The following TNKS variants were observed in gnomAD, a reference collection of about 807,000 sequenced individuals.
TNKS encodes tankyrase.
TNKS carries 72 observed loss-of-function variants against 135.8 expected under a neutral mutation model. That is an observed-to-expected ratio of 0.53 (90% CI 0.44 to 0.64). The LOEUF is 0.64. Among genes scored for constraint, TNKS ranks in the 30% least tolerant of loss-of-function variants. TNKS has a pLI of 0.00. For missense variants in TNKS, 1,769 were observed against 1,674.0 expected (o/e 1.06, Z -0.99); for synonymous variants, 849 against 649.3 (o/e 1.31, Z -4.68).
chr8:9,584,201 A>T (rs944504046), intron 2 of TNKS, among the ~76,000 whole-genome samples: 2 of 151,618 alleles, frequency 1.3e-5, no homozygotes, highest in African/African-American at 4.8e-5. Flanking sequence ...TGGGAGTCAC[A>T]ATGGATATTT....
intron 3 of TNKS, among the ~76,000 whole-genome samples, chr8:9,669,205 T>G (rs905058955): frequency 6.7e-6 from 1 of 149,474 alleles, no homozygotes; most frequent in Non-Finnish European, 1.5e-5. Flanking sequence ...GATCATGAGG[T>G]CAGGAGATCG....
intron 2 of TNKS, among the ~76,000 whole-genome samples, chr8:9,595,204 T>G (rs1798733396): frequency 6.6e-6 from 1 of 151,632 alleles, no homozygotes; most frequent in South Asian, 2.1e-4. Flanking sequence ...CACTGCAACC[T>G]CTGCCTCCCA....
intron 20 of TNKS, among the ~76,000 whole-genome samples, chr8:9,754,791 G>T (rs969931687): frequency 6.6e-6 from 1 of 152,040 alleles, no homozygotes; most frequent in Non-Finnish European, 1.5e-5. Flanking sequence ...GTGCCTTTGC[G>T]TCTAATGGTT....
In TNKS at chr8:9,735,383, A is replaced by G. The variant is rs745636754; in HGVS notation, c.2540A>G (p.Tyr847Cys). The change falls in exon 17 of 27, where the codon TAT (tyrosine) becomes TGT (cysteine). Residue 847 changes from tyrosine to cysteine, a missense_variant. Physicochemically the swap from Tyr to Cys is radical, Grantham distance 194. Around this residue, in one of 5 missense-constraint regions of TNKS, gnomAD observed 722 missense variants for 688.9 expected, o/e 1.05. Transcript: ENST00000310430. ...NSTPLHLAAG[Y>C]NNLEVAEYLL... ...TTTTTTTTACTCTAAATAGCAGGCT[A>G]TAATAACCTGGAAGTAGCTGAATAT... The G allele has an allele frequency of 1.2e-6, 2 of 1,613,746 alleles. No individual in the cohort carries two copies. The highest frequency in any genetic ancestry group is 8.5e-7 in the Non-Finnish European group (1 of 1,179,740).
At chr8:9,692,689 T>C (rs1277754978) in intron 5 of TNKS, among the ~76,000 whole-genome samples, 1 of 152,228 alleles carries the variant, frequency 6.6e-6, no homozygotes, top group Non-Finnish European at 1.5e-5. Context: ...AGTCATACTT[T>C]TTGATAAAGA....
Position 9,776,984 on chromosome 8 carries a change from G to C in TNKS, c.*248G>C, listed in dbSNP as rs992568629. ...AACATATCTCAGGCTCATTTTCATT[G>C]CAATTATCCATTTCTAAAACAAGAT... On this transcript the variant is annotated 3_prime_UTR_variant, in exon 27 of 27. Coordinates refer to ENST00000310430, the MANE Select transcript of TNKS (RefSeq NM_003747.3). 2 of 455,688 alleles carry C rather than the reference G, an allele frequency of 4.4e-6. No individual in the cohort carries two copies. The highest frequency in any genetic ancestry group is 7.8e-6 in the Non-Finnish European group (2 of 255,122). 28.2% of individuals were successfully genotyped at this position (455,688 alleles called of 1,614,324 possible). A position where few individuals can be genotyped will look rare whatever the true frequency, so the allele number is the denominator to read the frequency against.
Position 9,761,560 on chromosome 8 carries a change from A to G in TNKS, c.3198A>G (p.Lys1066=), listed in dbSNP as rs1369439613. The G allele has an allele frequency of 1.9e-6, 3 of 1,611,820 alleles. No homozygotes were observed. Among genetic ancestry groups the G allele is most frequent in the Non-Finnish European group, 2.5e-6 (3 of 1,179,564 alleles). ...CTGATATGGGTCATGAAGAGTTGAA[A>G]GAAATAGGCATCAATGCATATGGGC... ...VLADMGHEEL[K]EIGINAYGHR... The change falls in exon 21 of 27, where the codon AAA becomes AAG. Residue 1066 remains lysine, a synonymous_variant. Coordinates refer to ENST00000310430, the MANE Select transcript of TNKS (RefSeq NM_003747.3).
chr8:9,726,608 A>C, intron 12 of TNKS, 33 bp from the exon 13 acceptor site: 2 of 1,482,728 alleles, frequency 1.3e-6, no homozygotes, highest in Non-Finnish European at 1.9e-6. Context: ...GAGTTTGGAT[A>C]TATATATGAG....
intron 13 of TNKS, among the ~76,000 whole-genome samples, chr8:9,727,330 A>G (rs538613306): frequency 6.6e-6 from 1 of 152,214 alleles, no homozygotes; most frequent in Non-Finnish European, 1.5e-5. Context: ...ATATTCTAAT[A>G]CTAAGTATGC....
intron 3 of TNKS, among the ~76,000 whole-genome samples, chr8:9,653,175 C>T (rs1412271290): frequency 6.6e-6 from 1 of 152,150 alleles, no homozygotes; most frequent in East Asian, 1.9e-4. Flanking sequence ...AGGAAGGACA[C>T]AAAGCACATT....
chr8:9,752,726 G>A (rs1042540458), intron 20 of TNKS, 100 bp downstream of exon 20: 3 of 755,770 alleles, frequency 4.0e-6, no homozygotes, highest in Middle Eastern at 3.1e-4. Flanking sequence ...GGAATGCTTC[G>A]GCAGGATTGC....
At chr8:9,595,572 A>G (rs1798751910) in intron 2 of TNKS, among the ~76,000 whole-genome samples, 1 of 152,076 alleles carries the variant, frequency 6.6e-6, no homozygotes, top group South Asian at 2.1e-4. Context: ...TATGTTATGT[A>G]CTTATTAATT....
At chr8:9,587,592 C>T (rs958924142) in intron 2 of TNKS, among the ~76,000 whole-genome samples, 1 of 151,952 alleles carries the variant, frequency 6.6e-6, no homozygotes, top group East Asian at 1.9e-4. Context: ...TTAGTAGAAA[C>T]GGGGTTTCAC....
chr8:9,567,455 G>A (rs34393110), intron 1 of TNKS, among the ~76,000 whole-genome samples: 16,596 of 151,990 alleles, frequency 0.11, 1,227 homozygotes, highest in East Asian at 0.23. Flanking sequence ...TCGCTCTGTC[G>A]CCCAGGCTGG....
intron 5 of TNKS, among the ~76,000 whole-genome samples, chr8:9,698,335 G>C (rs529326823): frequency 6.3e-4 from 78 of 123,262 alleles, no homozygotes; most frequent in South Asian, 1.6e-3. Context: ...TAACAAACCT[G>C]CACATGGCCC....
At chr8:9,763,552 T>C (rs1444623093) in intron 22 of TNKS, among the ~76,000 whole-genome samples, 1 of 152,240 alleles carries the variant, frequency 6.6e-6, no homozygotes, top group Non-Finnish European at 1.5e-5. Flanking sequence ...CAGTGCCACC[T>C]AAGAATGACA....
At chr8:9,694,254 C>G (rs1803410997) in intron 5 of TNKS, among the ~76,000 whole-genome samples, 1 of 152,124 alleles carries the variant, frequency 6.6e-6, no homozygotes, top group Admixed American at 6.5e-5. Context: ...CTGACAATAA[C>G]TCTCATTCAT....
At chr8:9,691,704 C>G (rs186531322) in intron 5 of TNKS, among the ~76,000 whole-genome samples, 3 of 152,146 alleles carry the variant, frequency 2.0e-5, no homozygotes, top group Non-Finnish European at 4.4e-5. Context: ...ATATAATGCA[C>G]TTAGAAAAGT....
chr8:9,648,957 A>C (rs530798529), intron 3 of TNKS, among the ~76,000 whole-genome samples: 1 of 152,198 alleles, frequency 6.6e-6, no homozygotes, highest in East Asian at 1.9e-4. Flanking sequence ...AAAAAAAAAA[A>C]CAGTGGGATA....
Sources: allele counts gnomAD v4.1 joint callset (sites outside exome capture counted in the v4.1 genomes callset), GRCh38; gene constraint gnomAD v4.1.1; regional missense constraint gnomAD v4.1.1; transcripts MANE v1.5; gene names NCBI Gene and HGNC (gene_info 2026-07-23, HGNC 2026-07-21).